The following AP2B1 variants were observed in gnomAD, a reference collection of about 807,000 sequenced individuals.
AP2B1 encodes adaptor related protein complex 2 subunit beta 1, also known as AP-2 complex subunit beta.
In AP2B1, 23 loss-of-function variants were observed where a neutral mutation model predicts 102.0. That is an observed-to-expected ratio of 0.23 (90% CI 0.16 to 0.32). AP2B1 has a LOEUF of 0.32. AP2B1 is among the 10% of genes least tolerant of loss of function. AP2B1 has a pLI of 1.00. For missense variants in AP2B1, 541 were observed against 1,157.4 expected (o/e 0.47, Z 7.73); for synonymous variants, 381 against 421.2 (o/e 0.90, Z 1.17).
intron 2 of AP2B1, among the ~76,000 whole-genome samples, chr17:35,595,683 A>G (rs904463865): frequency 1.3e-5 from 2 of 152,160 alleles, no homozygotes; most frequent in African/African-American, 4.8e-5. Flanking sequence ...GGAATTTAAT[A>G]AAGTTGTAGA....
At chr17:35,708,448 A>AC (rs2076386555) in intron 18 of AP2B1, among the ~76,000 whole-genome samples, 1 of 152,126 alleles carries the variant, frequency 6.6e-6, no homozygotes, top group Non-Finnish European at 1.5e-5. Flanking sequence ...TTAAAAAAAA[A>AC]AAACAAACAA....
intron 13 of AP2B1, among the ~76,000 whole-genome samples, 190 bp from the exon 14 acceptor site, chr17:35,657,409 G>A (rs1187867905): frequency 6.6e-6 from 1 of 152,078 alleles, no homozygotes; most frequent in Non-Finnish European, 1.5e-5. Flanking sequence ...TTTAGCAGCT[G>A]TATTTTGATA....
intron 18 of AP2B1, among the ~76,000 whole-genome samples, chr17:35,705,498 C>CA (rs2143005487): frequency 6.6e-6 from 1 of 152,094 alleles, no homozygotes; most frequent in Admixed American, 6.5e-5. Context: ...AAAGGTAAAA[C>CA]AGGAGATGGT....
At chr17:35,717,433 C>T (rs2085208049) in intron 21 of AP2B1, 84 bp downstream of exon 21, 4 of 1,478,092 alleles carry the variant, frequency 2.7e-6, no homozygotes, top group Non-Finnish European at 3.7e-6. Flanking sequence ...CCTAGAAAGA[C>T]CTGGAGGAGG....
intron 2 of AP2B1, among the ~76,000 whole-genome samples, chr17:35,596,601 G>C (rs1036214693): frequency 6.7e-6 from 1 of 149,790 alleles, no homozygotes; most frequent in Non-Finnish European, 1.5e-5. Flanking sequence ...TGCCAGGCCC[G>C]GCGGCCATGT....
chr17:35,652,048 C>G (rs1288206612), intron 13 of AP2B1, among the ~76,000 whole-genome samples: 1 of 152,156 alleles, frequency 6.6e-6, no homozygotes, highest in Non-Finnish European at 1.5e-5. Context: ...AATGAATCAA[C>G]AAACAAAAAC....
intron 12 of AP2B1, among the ~76,000 whole-genome samples, chr17:35,646,474 G>C (rs2074936642): frequency 6.6e-6 from 1 of 151,934 alleles, no homozygotes; most frequent in African/African-American, 2.4e-5. Context: ...TATTTTTCAA[G>C]TTAGTGTCTG....
chr17:35,636,988 A>G (rs1276438743), intron 10 of AP2B1, among the ~76,000 whole-genome samples: 1 of 152,196 alleles, frequency 6.6e-6, no homozygotes, highest in Non-Finnish European at 1.5e-5. Flanking sequence ...GAAGTATTGT[A>G]GTTATTCTCA....
intron 21 of AP2B1, among the ~76,000 whole-genome samples, chr17:35,719,267 G>A: frequency 6.6e-6 from 1 of 151,878 alleles, no homozygotes; most frequent in East Asian, 1.9e-4. Context: ...TGGGGGTGGG[G>A]GATTGGTAGT....
intron 18 of AP2B1, among the ~76,000 whole-genome samples, chr17:35,699,372 C>T (rs2076198591): frequency 6.6e-6 from 1 of 152,140 alleles, no homozygotes; most frequent in Admixed American, 6.5e-5. Context: ...TAAAGGGTTC[C>T]ACTGTTCACA....
intron 13 of AP2B1, among the ~76,000 whole-genome samples, chr17:35,651,262 A>G (rs1231475637): frequency 2.0e-5 from 3 of 151,492 alleles, no homozygotes; most frequent in African/African-American, 7.3e-5. Context: ...TAATGAAATA[A>G]TATTTCAGTA....
intron 18 of AP2B1, among the ~76,000 whole-genome samples, chr17:35,696,164 TCTC>T (rs2076137912): frequency 1.3e-5 from 2 of 152,142 alleles, no homozygotes; most frequent in Non-Finnish European, 2.9e-5. Flanking sequence ...GCCATTCTGG[TCTC>T]CTCACTTATC....
At chr17:35,694,306 C>T (rs1419655659) in intron 18 of AP2B1, among the ~76,000 whole-genome samples, 1 of 150,916 alleles carries the variant, frequency 6.6e-6, no homozygotes, top group Non-Finnish European at 1.5e-5. Context: ...TTCAGGGGCA[C>T]AAACATAGCT....
intron 5 of AP2B1, among the ~76,000 whole-genome samples, chr17:35,612,550 C>G (rs1161423702): frequency 6.6e-6 from 1 of 152,242 alleles, no homozygotes; most frequent in Admixed American, 6.5e-5. Context: ...ATTTAAGTGC[C>G]TTCTATGCCA....
At chr17:35,683,472 G>A (rs1320540634) in intron 18 of AP2B1, among the ~76,000 whole-genome samples, 1 of 152,174 alleles carries the variant, frequency 6.6e-6, no homozygotes, top group Non-Finnish European at 1.5e-5. Flanking sequence ...TTGGACCACA[G>A]GTAGCTAGGC....
chr17:35,637,807 C>G (rs538429390), intron 10 of AP2B1, among the ~76,000 whole-genome samples: 1 of 151,452 alleles, frequency 6.6e-6, no homozygotes, highest in South Asian at 2.1e-4. Flanking sequence ...GCCTCAATCT[C>G]CCGAGTAGCT....
chr17:35,662,552 A>G, intron 14 of AP2B1, among the ~76,000 whole-genome samples: 1 of 31,236 alleles, frequency 3.2e-5, no homozygotes, highest in South Asian at 1.0e-3. Context: ...TTTTTTTTTT[A>G]TGACTCTGGT....
In AP2B1 at chr17:35,590,948, A is replaced by G. The variant is rs562622127; in HGVS notation, c.-23-3060A>G. On this transcript the variant is annotated intron_variant, in intron 1 of 21. Coordinates refer to ENST00000610402, the MANE Select transcript of AP2B1 (RefSeq NM_001030006.2). ...CCAGCACTTTGGGAGGCCGAGGTGGATGGATAACTTGATGTCAGGAGTTCC... is the reference window on the plus strand; with the variant it reads ...CCAGCACTTTGGGAGGCCGAGGTGGGTGGATAACTTGATGTCAGGAGTTCC... 7.2e-5 allele frequency among the ~76,000 whole-genome samples: 11 copies of G among 152,068 alleles called. No individual in the cohort carries two copies. In the South Asian group the frequency reaches 1.9e-3, roughly 26 times the overall value.
At chr17:35,636,514 C>A in intron 10 of AP2B1, 58 bp downstream of exon 10, 4 of 1,305,276 alleles carry the variant, frequency 3.1e-6, no homozygotes, top group Non-Finnish European at 4.4e-6. Context: ...GTTTAAGGCA[C>A]TTTGAAATTG....
Sources: allele counts gnomAD v4.1 joint callset (sites outside exome capture counted in the v4.1 genomes callset), GRCh38; gene constraint gnomAD v4.1.1; transcripts MANE v1.5; gene names NCBI Gene and HGNC (gene_info 2026-07-23, HGNC 2026-07-21).